Variants in ELF1 observed in about 807,000 individuals in gnomAD.
ELF1 encodes the protein E74 like ETS transcription factor 1, also known as ETS-related transcription factor Elf-1.
ELF1 carries 24 observed loss-of-function variants against 59.9 expected under a neutral mutation model. The observed-to-expected ratio is 0.40, with a 90% confidence interval of 0.29 to 0.56. The LOEUF is 0.56. Ranked by LOEUF, ELF1 falls within the 20% of genes least tolerant of loss-of-function variation. The probability of loss-of-function intolerance (pLI) is 0.44; values close to 1 mark genes in which losing one functional copy is unlikely to be tolerated. For missense variants in ELF1, 627 were observed against 742.2 expected, an observed-to-expected ratio of 0.84 and a Z score of 1.80; for synonymous variants, 248 against 266.2, an observed-to-expected ratio of 0.93 and a Z score of 0.67.
In ELF1 at chr13:40,982,128, G is replaced by A; in HGVS notation, c.-74C>T. The A allele has an allele frequency of 1.3e-6, 2 of 1,569,948 alleles. No homozygotes were observed. The highest frequency in any genetic ancestry group is 1.2e-5 in the South Asian group (1 of 84,634). On this transcript the variant is annotated 5_prime_UTR_variant, in exon 2 of 9. Coordinates refer to ENST00000239882, the MANE Select transcript of ELF1 (RefSeq NM_172373.4). Reference sequence around the variant, plus strand: ...CACGTATCAGGCAGCAAAATCCAGTGACTGATTTGGGTAAAAAACCCTCAG... The same window carrying A: ...CACGTATCAGGCAGCAAAATCCAGTAACTGATTTGGGTAAAAAACCCTCAG...
At chr13:40,979,166 T>C (rs1873105105) in intron 2 of ELF1, among the ~76,000 whole-genome samples, 1 of 151,104 alleles carries the variant, frequency 6.6e-6, no homozygotes, top group African/African-American at 2.4e-5. Flanking sequence ...GCTCAGTAAT[T>C]CTGTTTTTAA....
intron 8 of ELF1, among the ~76,000 whole-genome samples, chr13:40,936,030 T>C (rs1228170691): frequency 2.0e-5 from 3 of 152,186 alleles, no homozygotes; most frequent in African/African-American, 7.2e-5. Context: ...ACTTGGCATA[T>C]AGTTAGCACA....
intron 1 of ELF1, among the ~76,000 whole-genome samples, chr13:41,013,156 C>T (rs534628613): frequency 3.7e-4 from 57 of 152,174 alleles, no homozygotes; most frequent in African/African-American, 1.4e-3. Context: ...TAGAAAGATT[C>T]TGAATGGGTT....
At chr13:41,057,115 C>T (rs1364302951) in intron 1 of ELF1, among the ~76,000 whole-genome samples, 1 of 150,624 alleles carries the variant, frequency 6.6e-6, no homozygotes. Flanking sequence ...TAAATACCAG[C>T]GTTCATCTCT....
At chr13:40,950,170 T>C (rs1463168687) in intron 4 of ELF1, among the ~76,000 whole-genome samples, 197 bp from the exon 5 acceptor site, 3 of 152,220 alleles carry the variant, frequency 2.0e-5, no homozygotes. Context: ...TATTTCAATG[T>C]CTTTCTTACT....
At chr13:41,005,101 C>G (rs981579763) in intron 1 of ELF1, among the ~76,000 whole-genome samples, 6 of 152,032 alleles carry the variant, frequency 3.9e-5, no homozygotes, top group Non-Finnish European at 7.4e-5. Flanking sequence ...ATCTTTATGT[C>G]TTGTTTTATA....
Position 40,949,857 on chromosome 13 carries a change from A to G in ELF1, c.478T>C (p.Tyr160His), listed in dbSNP as rs1870740834. 11 of 1,613,888 alleles carry G rather than the reference A, an allele frequency of 6.8e-6. No homozygotes were observed. The highest frequency in any genetic ancestry group is 9.3e-6 in the Non-Finnish European group (11 of 1,179,954). ...VMETQQVQEK[Y>H]ADSPGASSPE... ...GATGAGGCTCCCGGTGAGTCTGCAT[A>G]TTTTTCTTGCACCTGCTGTGTTTCC... Residue 160 changes from tyrosine to histidine, a missense_variant, in exon 5 of 9, where the codon TAT becomes CAT. This residue lies in a region of ELF1 where 232 missense variants were observed against 269.2 expected (regional missense o/e 0.86). Transcript: ENST00000239882.
chr13:41,054,198 C>A (rs1446095726), intron 1 of ELF1, among the ~76,000 whole-genome samples: 1 of 152,184 alleles, frequency 6.6e-6, no homozygotes, highest in Non-Finnish European at 1.5e-5. Flanking sequence ...TGAATCATTG[C>A]AGCTTTTTAA....
At chr13:41,015,477 T>G (rs935670626) in intron 1 of ELF1, among the ~76,000 whole-genome samples, 16 of 152,094 alleles carry the variant, frequency 1.1e-4, no homozygotes, top group African/African-American at 3.9e-4. Flanking sequence ...TGCCTAAAAC[T>G]TCAAATATTT....
intron 1 of ELF1, among the ~76,000 whole-genome samples, chr13:41,037,581 G>A (rs1311684530): frequency 6.6e-6 from 1 of 150,890 alleles, no homozygotes; most frequent in Non-Finnish European, 1.5e-5. Context: ...TGGATCATGA[G>A]GTCAGGAGTT....
At chr13:41,042,747 T>C (rs1202785428) in intron 1 of ELF1, among the ~76,000 whole-genome samples, 1 of 152,200 alleles carries the variant, frequency 6.6e-6, no homozygotes, top group Non-Finnish European at 1.5e-5. Flanking sequence ...TTTGCTATTG[T>C]GAATAATGCC....
At chr13:40,987,763 T>C (rs986862937) in intron 1 of ELF1, among the ~76,000 whole-genome samples, 4 of 152,142 alleles carry the variant, frequency 2.6e-5, no homozygotes, top group Non-Finnish European at 5.9e-5. Context: ...TATGTACATA[T>C]GGCATGTTTG....
chr13:41,039,138 A>G (rs1233947638), intron 1 of ELF1, among the ~76,000 whole-genome samples: 2 of 151,842 alleles, frequency 1.3e-5, no homozygotes, highest in South Asian at 2.1e-4. Context: ...AGTGGCTCAC[A>G]TCTGTAATCC....
chr13:41,040,308 T>G, intron 1 of ELF1, among the ~76,000 whole-genome samples: 1 of 152,254 alleles, frequency 6.6e-6, no homozygotes, highest in East Asian at 1.9e-4. Context: ...ACCATACTGC[T>G]ATTGTCTAAA....
chr13:40,988,558 C>G (rs1873675162), intron 1 of ELF1, among the ~76,000 whole-genome samples: 1 of 152,122 alleles, frequency 6.6e-6, no homozygotes, highest in Admixed American at 6.5e-5. Context: ...TCATTTTCAA[C>G]CATATTTTTA....
chr13:40,962,528 T>A (rs1445279383), intron 2 of ELF1, among the ~76,000 whole-genome samples: 1 of 150,722 alleles, frequency 6.6e-6, no homozygotes, highest in Non-Finnish European at 1.5e-5. Flanking sequence ...ACTAAAAAAA[T>A]ACAAAAAATG....
chr13:40,946,098 C>T (rs1360700103), intron 5 of ELF1, among the ~76,000 whole-genome samples: 3 of 152,172 alleles, frequency 2.0e-5, no homozygotes, highest in Non-Finnish European at 2.9e-5. Flanking sequence ...CTCAGACTCC[C>T]AAAGTGCTGG....
intron 1 of ELF1, among the ~76,000 whole-genome samples, chr13:40,984,887 A>G (rs1359293834): frequency 6.6e-6 from 1 of 152,210 alleles, no homozygotes; most frequent in African/African-American, 2.4e-5. Context: ...TCGTACCAGC[A>G]CTTCCACACT....
intron 1 of ELF1, among the ~76,000 whole-genome samples, chr13:41,037,515 G>C (rs1876428454): frequency 6.6e-6 from 1 of 152,102 alleles, no homozygotes; most frequent in South Asian, 2.1e-4. Context: ...ATTAGTTTGA[G>C]GCTGGGCACG....
Sources: gnomAD v4.1 joint callset for allele counts (sites outside exome capture counted in the v4.1 genomes callset) on GRCh38, gnomAD v4.1.1 for gene constraint, gnomAD v4.1.1 regional missense constraint, MANE v1.5 for transcripts, NCBI Gene and HGNC (gene_info 2026-07-23, HGNC 2026-07-21) for gene names.